The following RAB4A variants were observed in gnomAD, a reference collection of about 807,000 sequenced individuals.
The protein encoded by RAB4A is ras-related protein Rab-4A.
In RAB4A, 20 loss-of-function variants were observed where a neutral mutation model predicts 34.5. The ratio of observed to expected loss-of-function variants is 0.58; its 90% confidence interval spans 0.41 to 0.84. The LOEUF (loss-of-function observed/expected upper bound fraction) is 0.84. Among genes scored for constraint, RAB4A ranks in the 40% least tolerant of loss-of-function variants. The probability of loss-of-function intolerance (pLI) is 0.00; values close to 1 mark genes in which losing one functional copy is unlikely to be tolerated. For synonymous variants in RAB4A, 102 were observed against 100.0 expected, an observed-to-expected ratio of 1.02 and a Z score of -0.12; for missense variants, 228 against 274.5, an observed-to-expected ratio of 0.83 and a Z score of 1.20.
At chr1:229,302,280 TATATATATATATATA>T (rs1657411779) in intron 6 of RAB4A, among the ~76,000 whole-genome samples, 4 of 19,822 alleles carry the variant, frequency 2.0e-4, no homozygotes, top group Admixed American at 5.5e-4. Flanking sequence ...TATATATATA[TATATATATATATATA>T]TATATATATA....
At position 229,285,678 on chromosome 1, in the gene RAB4A, G is replaced by A. The variant is rs188427643; in HGVS notation, c.32-808G>A. Among the ~76,000 whole-genome samples, 64 of 152,234 alleles carry A rather than the reference G, an allele frequency of 4.2e-4. 1 individual carries two copies. Among genetic ancestry groups the A allele is most frequent in the African/African-American group, 1.2e-3 (48 of 41,548 alleles). On this transcript the variant is annotated intron_variant, in intron 1 of 7. Transcript: ENST00000366690. ...AGTGGACTTAGCAGCTGAGTCAAACGGGGAGGAGGGAGTTGGTGTTCTGGT... is the reference window on the plus strand; with the variant it reads ...AGTGGACTTAGCAGCTGAGTCAAACAGGGAGGAGGGAGTTGGTGTTCTGGT...
chr1:229,277,896 A>T lies in RAB4A; in HGVS notation c.31+6526A>T, dbSNP rs147585756. 2.0e-5 allele frequency among the ~76,000 whole-genome samples: 3 copies of T among 150,768 alleles called. No individual in the cohort carries two copies. In the South Asian group the frequency reaches 6.3e-4, roughly 31 times the overall value. ...TTCTTTTTTTCTGAGACAGAGTCTC[A>T]CTCTGTTGCCCAGTCTGGAGTGCAG... is the stretch of plus-strand genomic sequence containing the variant. On this transcript the variant is annotated intron_variant, in intron 1 of 7. Transcript: ENST00000366690.
chr1:229,301,555 A>G (rs936906567), intron 6 of RAB4A, among the ~76,000 whole-genome samples: 2 of 152,122 alleles, frequency 1.3e-5, no homozygotes, highest in South Asian at 2.1e-4. Flanking sequence ...TGACCTTGCT[A>G]TTTTAATATT....
intron 1 of RAB4A, among the ~76,000 whole-genome samples, chr1:229,284,844 CT>C (rs1656882528): frequency 1.3e-5 from 2 of 152,078 alleles, no homozygotes; most frequent in South Asian, 4.2e-4. Context: ...TTCAAAATTC[CT>C]GTTAGATCCA....
intron 1 of RAB4A, 109 bp from the exon 2 acceptor site, chr1:229,286,377 T>C (rs1656923937): frequency 1.5e-6 from 1 of 667,604 alleles, no homozygotes; most frequent in Non-Finnish European, 2.5e-6. Flanking sequence ...AGTTACCTCT[T>C]TTTCCTGTTA....
intron 2 of RAB4A, among the ~76,000 whole-genome samples, chr1:229,287,299 C>T (rs1656949303): frequency 6.6e-6 from 1 of 152,136 alleles, no homozygotes; most frequent in South Asian, 2.1e-4. Context: ...GGTGTTTTGG[C>T]AGAAAGCTTT....
At chr1:229,287,396 T>G (rs1656951417) in intron 2 of RAB4A, among the ~76,000 whole-genome samples, 1 of 152,244 alleles carries the variant, frequency 6.6e-6, no homozygotes, top group Non-Finnish European at 1.5e-5. Context: ...TTTAGTGACA[T>G]GGACCCAGTG....
At chr1:229,298,188 A>T (rs1558240875) in intron 5 of RAB4A, among the ~76,000 whole-genome samples, 1 of 152,236 alleles carries the variant, frequency 6.6e-6, no homozygotes, top group Non-Finnish European at 1.5e-5. Context: ...AGACATTTTA[A>T]ATAACTTTAA....
intron 3 of RAB4A, among the ~76,000 whole-genome samples, chr1:229,291,345 A>G (rs1016284445): frequency 6.6e-6 from 1 of 152,188 alleles, no homozygotes; most frequent in Admixed American, 6.5e-5. Context: ...TCCCAGAAAG[A>G]GGAAAATGAA....
At chr1:229,285,047 C>T (rs778082092) in intron 1 of RAB4A, among the ~76,000 whole-genome samples, 1 of 152,194 alleles carries the variant, frequency 6.6e-6, no homozygotes, top group Non-Finnish European at 1.5e-5. Flanking sequence ...CTCTGTCACC[C>T]AAGCTGGGGT....
chr1:229,302,298 TATATATA>T (rs1657425268), intron 6 of RAB4A, among the ~76,000 whole-genome samples: 1 of 33,522 alleles, frequency 3.0e-5, no homozygotes, highest in East Asian at 7.4e-4. Context: ...TATATATATA[TATATATA>T]TATATTTTTT....
At chr1:229,285,302 G>A (rs543735264) in intron 1 of RAB4A, among the ~76,000 whole-genome samples, 9 of 152,178 alleles carry the variant, frequency 5.9e-5, no homozygotes, top group Non-Finnish European at 1.2e-4. Flanking sequence ...GAGCCAACGC[G>A]CTCAGCCTGG....
chr1:229,282,168 C>A (rs148560409), intron 1 of RAB4A, among the ~76,000 whole-genome samples: 6 of 152,034 alleles, frequency 3.9e-5, no homozygotes, highest in African/African-American at 1.2e-4. Flanking sequence ...AGAATGTCTT[C>A]ATTTACCCTT....
chr1:229,302,986 A>G lies in RAB4A; in HGVS notation c.*9A>G, dbSNP rs767175179. On this transcript the variant is annotated 3_prime_UTR_variant, in exon 7 of 8. Coordinates refer to ENST00000366690, the MANE Select transcript of RAB4A (RefSeq NM_004578.4). ...AGGAGTGTGGTTGTTAGGAGAGCAC[A>G]CAGGTGGGTTTGGACACCTCCCTGC... 7.4e-6 allele frequency: 12 copies of G among 1,611,256 alleles called. No individual in the cohort carries two copies. In the Admixed American group the frequency reaches 1.7e-4, roughly 22 times the overall value.
chr1:229,280,542 T>G (rs1334752731), intron 1 of RAB4A, among the ~76,000 whole-genome samples: 1 of 152,210 alleles, frequency 6.6e-6, no homozygotes, highest in Non-Finnish European at 1.5e-5. Flanking sequence ...AGTCATTGTC[T>G]GATAATATCA....
At chr1:229,284,865 G>A (rs993916274) in intron 1 of RAB4A, among the ~76,000 whole-genome samples, 6 of 151,700 alleles carry the variant, frequency 4.0e-5, no homozygotes, top group Admixed American at 6.6e-5. Flanking sequence ...ATGTTAGATC[G>A]TTTCCTTCAA....
rs1465454819 is a variant in RAB4A at position 229,303,936 on chromosome 1, C to G, written c.*143C>G. The stretch of plus-strand genomic sequence containing the variant: ...GGAAAAGAGAATTTGGGGTGTTCTG[C>G]AAGCCAGTCAAAGTGGCACAGCAAA... On this transcript the variant is annotated 3_prime_UTR_variant, in exon 8 of 8. Transcript: ENST00000366690. 1.3e-5 allele frequency: 2 copies of G among 152,124 alleles called. No individual in the cohort carries two copies. The allele number at this position is 152,124 out of a possible 1,614,324, so 9.4% of individuals were successfully genotyped here.
At chr1:229,302,285 ATATATATATATATATATATATATATTT>A (rs1463272351) in intron 6 of RAB4A, among the ~76,000 whole-genome samples, 8 of 20,154 alleles carry the variant, frequency 4.0e-4, no homozygotes, top group South Asian at 1.2e-3. Flanking sequence ...ATATATATAT[ATATATATATATATATATATATATATTT>A]TTTTTTTTTT....
At chr1:229,271,680 T>A (rs984470261) in intron 1 of RAB4A, among the ~76,000 whole-genome samples, 3 of 152,208 alleles carry the variant, frequency 2.0e-5, no homozygotes, top group Non-Finnish European at 4.4e-5. Flanking sequence ...CTCAGTCTAA[T>A]GTAAATAACT....
Sources: gnomAD v4.1 joint callset for allele counts (sites outside exome capture counted in the v4.1 genomes callset) on GRCh38, gnomAD v4.1.1 for gene constraint, MANE v1.5 for transcripts, NCBI Gene and HGNC (gene_info 2026-07-23, HGNC 2026-07-21) for gene names.